LSAMP: variants seen among roughly 807,000 people sequenced by gnomAD.
LSAMP encodes the protein limbic system associated membrane protein.
In LSAMP, 7 loss-of-function variants were observed where a neutral mutation model predicts 38.6. The observed-to-expected ratio is 0.18, with a 90% CI of 0.10 to 0.34. LSAMP has a LOEUF of 0.34. Ranked by LOEUF, LSAMP falls within the 10% of genes least tolerant of loss-of-function variation. The pLI is 1.00. For synonymous variants in LSAMP, 154 were observed against 166.8 expected (o/e 0.92, Z 0.59); for missense variants, 313 against 420.0 (o/e 0.75, Z 2.23).
intron 1 of LSAMP, among the ~76,000 whole-genome samples, chr3:116,210,562 A>G (rs1274008577): frequency 6.6e-6 from 1 of 152,060 alleles, no homozygotes; most frequent in African/African-American, 2.4e-5. Context: ...CGGCTTCCCT[A>G]CTTTTGAGGT....
chr3:116,111,986 G>A (rs1455434613), intron 1 of LSAMP, among the ~76,000 whole-genome samples: 1 of 152,162 alleles, frequency 6.6e-6, no homozygotes, highest in African/African-American at 2.4e-5. Context: ...GAAGGTTTAG[G>A]TAGGTAGGAC....
At chr3:116,020,609 G>C (rs1018035576) in intron 2 of LSAMP, among the ~76,000 whole-genome samples, 5 of 152,144 alleles carry the variant, frequency 3.3e-5, no homozygotes, top group Admixed American at 2.6e-4. Context: ...TTGGTGACGT[G>C]AGAAATGAGT....
At chr3:116,054,305 T>A (rs1167113268) in intron 2 of LSAMP, among the ~76,000 whole-genome samples, 2 of 152,198 alleles carry the variant, frequency 1.3e-5, no homozygotes, top group Non-Finnish European at 2.9e-5. Flanking sequence ...TCCAGGATAA[T>A]CTCTTCATCT....
intron 1 of LSAMP, among the ~76,000 whole-genome samples, chr3:116,244,116 A>C (rs556594026): frequency 6.6e-6 from 1 of 152,252 alleles, no homozygotes; most frequent in Admixed American, 6.5e-5. Context: ...CCTTCCATTT[A>C]CTTTAACACT....
At chr3:116,059,274 A>G (rs563156455) in intron 2 of LSAMP, among the ~76,000 whole-genome samples, 2 of 152,238 alleles carry the variant, frequency 1.3e-5, no homozygotes, top group South Asian at 4.1e-4. Flanking sequence ...TTGCAGAGAT[A>G]AAGTATCAAA....
At chr3:115,974,060 G>T (rs1939105887) in intron 3 of LSAMP, among the ~76,000 whole-genome samples, 2 of 152,118 alleles carry the variant, frequency 1.3e-5, no homozygotes, top group South Asian at 2.1e-4. Context: ...AAATTGATAA[G>T]ATTTGGCCTT....
chr3:116,350,693 C>A (rs1045830964), intron 1 of LSAMP, among the ~76,000 whole-genome samples: 1 of 151,292 alleles, frequency 6.6e-6, no homozygotes, highest in Non-Finnish European at 1.5e-5. Flanking sequence ...TTGAACATGC[C>A]GAAGAGAAGC....
intron 3 of LSAMP, among the ~76,000 whole-genome samples, chr3:115,966,210 T>A (rs370757761): frequency 1.3e-5 from 2 of 152,068 alleles, no homozygotes; most frequent in Admixed American, 6.6e-5. Flanking sequence ...CTGGCTGGAG[T>A]TCCAGAAACC....
At chr3:116,195,338 G>A (rs1188693630) in intron 1 of LSAMP, among the ~76,000 whole-genome samples, 1 of 152,090 alleles carries the variant, frequency 6.6e-6, no homozygotes, top group Non-Finnish European at 1.5e-5. Context: ...TTTCCTGAGT[G>A]TGTCTTCACC....
intron 1 of LSAMP, among the ~76,000 whole-genome samples, chr3:116,092,720 A>C (rs1708151197): frequency 6.6e-6 from 1 of 152,204 alleles, no homozygotes. Flanking sequence ...AACATTGCAC[A>C]AGAGTGGGGG....
chr3:116,267,179 A>G (rs1281059493), intron 1 of LSAMP, among the ~76,000 whole-genome samples: 1 of 152,164 alleles, frequency 6.6e-6, no homozygotes, highest in Non-Finnish European at 1.5e-5. Context: ...AGTTGGCGCC[A>G]CTTGCATCCA....
intron 2 of LSAMP, among the ~76,000 whole-genome samples, chr3:116,082,060 A>T (rs1010786154): frequency 1.3e-5 from 2 of 152,202 alleles, no homozygotes; most frequent in Admixed American, 6.5e-5. Context: ...TAAAAATAAG[A>T]TTCTCGTTTT....
intron 1 of LSAMP, among the ~76,000 whole-genome samples, chr3:116,225,777 A>T (rs2046335829): frequency 6.6e-6 from 1 of 151,962 alleles, no homozygotes. Context: ...TGTGCAATTA[A>T]AAGTATTTAA....
At chr3:116,049,396 A>G (rs1361936022) in intron 2 of LSAMP, among the ~76,000 whole-genome samples, 3 of 152,204 alleles carry the variant, frequency 2.0e-5, no homozygotes, top group Admixed American at 6.5e-5. Flanking sequence ...TTAGTTGGGA[A>G]ATAAACTATT....
At chr3:116,002,843 C>G (rs1057465146) in intron 3 of LSAMP, among the ~76,000 whole-genome samples, 3 of 152,048 alleles carry the variant, frequency 2.0e-5, no homozygotes, top group African/African-American at 7.2e-5. Context: ...TTTGCACAAC[C>G]ATTAGGGTTT....
At chr3:115,871,657 GAGAT>G (rs1235616389) in intron 3 of LSAMP, among the ~76,000 whole-genome samples, 2 of 151,736 alleles carry the variant, frequency 1.3e-5, no homozygotes, top group Admixed American at 1.3e-4. Flanking sequence ...GAGAGGCAGA[GAGAT>G]AGAGGGCTTC....
intron 1 of LSAMP, among the ~76,000 whole-genome samples, chr3:116,225,970 T>C (rs1482905788): frequency 6.6e-6 from 1 of 152,196 alleles, no homozygotes; most frequent in Non-Finnish European, 1.5e-5. Context: ...TTTTTGCAAC[T>C]TATGTTCTGT....
chr3:116,056,490 G>A (rs1253381634), intron 2 of LSAMP, among the ~76,000 whole-genome samples: 4 of 152,072 alleles, frequency 2.6e-5, no homozygotes, highest in East Asian at 1.9e-4. Context: ...ACCCAGATAT[G>A]TCATAATGGT....
At chr3:115,913,260 A>T (rs1039911905) in intron 3 of LSAMP, among the ~76,000 whole-genome samples, 1 of 152,248 alleles carries the variant, frequency 6.6e-6, no homozygotes, top group Non-Finnish European at 1.5e-5. Flanking sequence ...CTGCCTGTAT[A>T]ATGACACCTA....
Sources: allele counts gnomAD v4.1 joint callset (sites outside exome capture counted in the v4.1 genomes callset), GRCh38; gene constraint gnomAD v4.1.1; transcripts MANE v1.5; gene names NCBI Gene and HGNC (gene_info 2026-07-23, HGNC 2026-07-21).